Variants in NFAT5 observed in about 807,000 individuals in gnomAD.
NFAT5 encodes the protein nuclear factor of activated T cells 5, also known as nuclear factor of activated T-cells 5.
NFAT5 carries 31 observed loss-of-function variants against 166.5 expected under a neutral mutation model. The observed-to-expected ratio is 0.19, with a 90% CI of 0.14 to 0.25. NFAT5 has a LOEUF of 0.25. NFAT5 is among the 10% of genes least tolerant of loss of function. The probability of loss-of-function intolerance (pLI) is 1.00; values close to 1 mark genes in which losing one functional copy is unlikely to be tolerated. For missense variants in NFAT5, 1,449 were observed against 1,821.8 expected, an observed-to-expected ratio of 0.80 and a Z score of 3.72; for synonymous variants, 612 against 639.7, an observed-to-expected ratio of 0.96 and a Z score of 0.65.
chr16:69,611,604 G>A (rs2033706702), intron 2 of NFAT5, among the ~76,000 whole-genome samples: 1 of 152,236 alleles, frequency 6.6e-6, no homozygotes, highest in Non-Finnish European at 1.5e-5. Context: ...TTATATGTCT[G>A]CTGAGGGTTT....
At chr16:69,676,157 T>C (rs904213911) in intron 9 of NFAT5, among the ~76,000 whole-genome samples, 2 of 152,148 alleles carry the variant, frequency 1.3e-5, no homozygotes, top group African/African-American at 4.8e-5. Flanking sequence ...GCAAATCAGA[T>C]CATTAGTGAA....
intron 2 of NFAT5, among the ~76,000 whole-genome samples, chr16:69,595,673 C>A (rs1235746001): frequency 6.6e-6 from 1 of 152,152 alleles, no homozygotes; most frequent in Non-Finnish European, 1.5e-5. Flanking sequence ...ATCTTAGCAG[C>A]CTCAGCATAC....
chr16:69,587,654 G>C (rs900581717), intron 2 of NFAT5, among the ~76,000 whole-genome samples: 1 of 152,094 alleles, frequency 6.6e-6, no homozygotes, highest in Non-Finnish European at 1.5e-5. Flanking sequence ...CTCCTAAAGT[G>C]TTGGGATTAT....
At position 69,566,898 on chromosome 16, in the gene NFAT5, C is replaced by T. The variant is rs1034972779; in HGVS notation, c.73+524C>T. ...TTGTTTTTGCGCCGTCGTTCCACCC[C>T]CTCTCCCTCCGGCCTAGTCCACTCC... On this transcript the variant is annotated intron_variant, in intron 1 of 14. Transcript: ENST00000349945. This position sits in a 1 kb window ranked among gnomAD's most constrained non-coding sequence, Gnocchi z 5.7. Among the ~76,000 whole-genome samples, 2 of 152,186 alleles carry T rather than the reference C, an allele frequency of 1.3e-5. No homozygotes were observed. The highest frequency in any genetic ancestry group is 4.8e-5 in the African/African-American group (2 of 41,446).
In NFAT5 at chr16:69,566,388, TG is replaced by T. The variant is rs749649974; in HGVS notation, c.73+20del. On this transcript the variant is annotated intron_variant, in intron 1 of 14. Transcript: ENST00000349945. The surrounding 1 kb of genome is among the most constrained non-coding windows in gnomAD (Gnocchi z 5.7). ...TCTACTCGCGAGGTGAGTCAGGCTG[TG>T]GGGGGTGGGGCGTGGGGGCGGGGAG... 253 of 649,554 alleles carry T rather than the reference TG, an allele frequency of 3.9e-4. No homozygotes were observed. The highest frequency in any genetic ancestry group is 6.1e-4 in the Non-Finnish European group (233 of 382,092). The allele number at this position is 649,554 out of a possible 1,614,324, so 40.2% of individuals were successfully genotyped here.
In NFAT5 at chr16:69,574,892, G is replaced by A. The variant is rs1267227565; in HGVS notation, c.127+6344G>A. Among the ~76,000 whole-genome samples, 6 of 151,956 alleles carry A rather than the reference G, an allele frequency of 3.9e-5. No homozygotes were observed. The South Asian group carries it at 1.0e-3, about 26-fold the overall frequency. ...TCACCATGTTGGCCAGGATGGTCTC[G>A]AACTCCTGACCTCGGGTGATCTGCC... On this transcript the variant is annotated intron_variant, in intron 2 of 14. Coordinates refer to ENST00000349945, the MANE Select transcript of NFAT5 (RefSeq NM_138713.4).
At chr16:69,653,761 G>A (rs556656524) in intron 5 of NFAT5, among the ~76,000 whole-genome samples, 2 of 151,808 alleles carry the variant, frequency 1.3e-5, no homozygotes, top group African/African-American at 2.4e-5. Flanking sequence ...TAGTAGTGTC[G>A]CAGTTTCACC....
chr16:69,685,360 A>C (rs943701765), intron 11 of NFAT5: 2 of 151,732 alleles, frequency 1.3e-5, no homozygotes, highest in Admixed American at 1.3e-4. Flanking sequence ...CTGCCTGGCC[A>C]ACATGGTGAA....
chr16:69,678,842 A>G (rs956950899), intron 10 of NFAT5, among the ~76,000 whole-genome samples: 1 of 152,274 alleles, frequency 6.6e-6, no homozygotes, highest in African/African-American at 2.4e-5. Flanking sequence ...AAGCCCTGGC[A>G]TCAAAAAGTG....
intron 3 of NFAT5, among the ~76,000 whole-genome samples, chr16:69,642,923 A>C (rs1009538619): frequency 6.6e-6 from 1 of 151,984 alleles, no homozygotes; most frequent in Non-Finnish European, 1.5e-5. Flanking sequence ...AAATCAATAA[A>C]ATTTATTCAC....
intron 4 of NFAT5, among the ~76,000 whole-genome samples, chr16:69,652,763 G>A (rs1399992864): frequency 5.0e-5 from 5 of 100,522 alleles, no homozygotes; most frequent in African/African-American, 9.2e-5. Flanking sequence ...TTTTGTTTTC[G>A]CTACCCTCAC....
Position 69,646,635 on chromosome 16 carries a change from A to G in NFAT5, c.254-393A>G, listed in dbSNP as rs1049401399. 19 of 621,234 alleles carry G rather than the reference A, an allele frequency of 3.1e-5. No homozygotes were observed. The African/African-American group carries it at 3.6e-4, about 12-fold the overall frequency. 38.5% of individuals were successfully genotyped at this position (621,234 alleles called of 1,614,324 possible). On this transcript the variant is annotated intron_variant, in intron 3 of 14. Transcript: ENST00000349945. Reference sequence around the variant, plus strand: ...AGCACAGTCCCACTTTTCAAATTCTATAATGAATTATTTAATTGGCATTGA... The same window carrying G: ...AGCACAGTCCCACTTTTCAAATTCTGTAATGAATTATTTAATTGGCATTGA...
At chr16:69,585,476 T>TATATGGGTATA (rs2031996041) in intron 2 of NFAT5, among the ~76,000 whole-genome samples, 1 of 152,192 alleles carries the variant, frequency 6.6e-6, no homozygotes, top group Non-Finnish European at 1.5e-5. Context: ...TATAGGTATA[T>TATATGGGTATA]ACCCCCAATA....
At chr16:69,690,321 A>G (rs1056215347) in intron 11 of NFAT5, among the ~76,000 whole-genome samples, 9 of 149,668 alleles carry the variant, frequency 6.0e-5, no homozygotes, top group South Asian at 2.1e-4. Context: ...TTTCTGGGGA[A>G]AAAAAAAAAG....
intron 1 of NFAT5, among the ~76,000 whole-genome samples, 160 bp from the exon 2 acceptor site, chr16:69,568,335 T>A (rs1192576017): frequency 6.0e-5 from 4 of 67,116 alleles, no homozygotes; most frequent in Admixed American, 2.5e-4. Context: ...TGTATGTGTG[T>A]ATATATATAT....
chr16:69,608,350 C>G (rs974383124), intron 2 of NFAT5, among the ~76,000 whole-genome samples: 4 of 152,158 alleles, frequency 2.6e-5, no homozygotes, highest in East Asian at 1.9e-4. Context: ...CTATAGATCT[C>G]CAGCGTTCTC....
At chr16:69,608,225 C>T (rs191324933) in intron 2 of NFAT5, among the ~76,000 whole-genome samples, 1 of 152,070 alleles carries the variant, frequency 6.6e-6, no homozygotes, top group African/African-American at 2.4e-5. Context: ...GGTGTTGTGG[C>T]GTGCCTGTAA....
At chr16:69,638,198 G>A (rs908193334) in intron 3 of NFAT5, among the ~76,000 whole-genome samples, 1 of 151,764 alleles carries the variant, frequency 6.6e-6, no homozygotes, top group Admixed American at 6.6e-5. Context: ...CAGCCTGGGC[G>A]ACAGAGTGAG....
At chr16:69,584,392 C>T (rs2031902532) in intron 2 of NFAT5, among the ~76,000 whole-genome samples, 1 of 150,952 alleles carries the variant, frequency 6.6e-6, no homozygotes, top group African/African-American at 2.4e-5. Context: ...GCAGTGGTGC[C>T]ATCTCGGCTC....
Sources: gnomAD v4.1 joint callset for allele counts (sites outside exome capture counted in the v4.1 genomes callset) on GRCh38, gnomAD v4.1.1 for gene constraint, Gnocchi (gnomAD v3.1) non-coding constraint, MANE v1.5 for transcripts, NCBI Gene and HGNC (gene_info 2026-07-23, HGNC 2026-07-21) for gene names.